BICC1: variants seen among roughly 807,000 people sequenced by gnomAD.
BICC1 encodes the protein protein bicaudal C homolog 1.
BICC1 carries 43 observed loss-of-function variants against 111.0 expected under a neutral mutation model. The observed-to-expected ratio is 0.39, with a 90% CI of 0.30 to 0.50. The LOEUF (loss-of-function observed/expected upper bound fraction) is 0.50. BICC1 is among the 20% of genes least tolerant of loss of function. BICC1 has a pLI of 0.88. For synonymous variants in BICC1, 467 were observed against 434.4 expected (o/e 1.07, Z -0.93); for missense variants, 1,091 against 1,203.2 (o/e 0.91, Z 1.38).
At chr10:58,514,971 TGAAA>T (rs1842203357) in intron 1 of BICC1, among the ~76,000 whole-genome samples, 2 of 152,214 alleles carry the variant, frequency 1.3e-5, no homozygotes, top group South Asian at 4.1e-4. Context: ...TGGAGTGATA[TGAAA>T]GAATGATCTG....
intron 2 of BICC1, among the ~76,000 whole-genome samples, chr10:58,679,868 G>A (rs192097604): frequency 5.9e-5 from 9 of 152,180 alleles, no homozygotes; most frequent in East Asian, 1.9e-4. Context: ...CCTGGGATGC[G>A]CAAGGCAGGT....
At chr10:58,532,960 G>A (rs181953940) in intron 1 of BICC1, among the ~76,000 whole-genome samples, 21 of 151,940 alleles carry the variant, frequency 1.4e-4, no homozygotes, top group African/African-American at 5.1e-4. Context: ...ACATGGTGAA[G>A]AGCAAAAGTC....
intron 2 of BICC1, among the ~76,000 whole-genome samples, chr10:58,660,389 C>G (rs2132286030): frequency 6.6e-6 from 1 of 151,218 alleles, no homozygotes; most frequent in African/African-American, 2.4e-5. Context: ...CACCTCTCCT[C>G]AGGAATAATG....
chr10:58,821,224 A>G (rs745533054), intron 20 of BICC1, among the ~76,000 whole-genome samples: 10 of 152,106 alleles, frequency 6.6e-5, no homozygotes, highest in Non-Finnish European at 1.5e-4. Context: ...TAGTTTTTGA[A>G]GACTTGCCAA....
rs138750690 is a variant in BICC1, at chr10:58,715,302, C to T, written c.307+13159C>T. ...TACTCTTAAGCAAAATAAATTCTGC[C>T]TGAAATAAAAATAAAATGAGAACAC... On this transcript the variant is annotated intron_variant, in intron 3 of 20. Transcript: ENST00000373886. Among the ~76,000 whole-genome samples, 352 of 152,066 alleles carry T rather than the reference C, an allele frequency of 2.3e-3. 1 individual carries two copies. Among genetic ancestry groups the T allele is most frequent in the African/African-American group, 7.9e-3 (329 of 41,496 alleles).
intron 1 of BICC1, among the ~76,000 whole-genome samples, chr10:58,596,505 C>T (rs1844818013): frequency 6.6e-6 from 1 of 152,130 alleles, no homozygotes; most frequent in Non-Finnish European, 1.5e-5. Context: ...CAGCACAAGA[C>T]AAGGATGCCC....
intron 15 of BICC1, 28 bp from the exon 16 acceptor site, chr10:58,806,556 A>C (rs755743336): frequency 6.2e-7 from 1 of 1,606,838 alleles, no homozygotes; most frequent in African/African-American, 1.3e-5. Flanking sequence ...GAGACTGTCA[A>C]TAAAGGTATT....
intron 1 of BICC1, among the ~76,000 whole-genome samples, chr10:58,554,753 T>G (rs1782153140): frequency 6.6e-6 from 1 of 151,908 alleles, no homozygotes; most frequent in African/African-American, 2.4e-5. Context: ...CAATGTTGGT[T>G]TAATATCCTG....
At chr10:58,701,076 A>G (rs1840219742) in intron 2 of BICC1, among the ~76,000 whole-genome samples, 1 of 152,174 alleles carries the variant, frequency 6.6e-6, no homozygotes, top group African/African-American at 2.4e-5. Context: ...CGTAGCCAGT[A>G]CTGAGGAGAA....
At chr10:58,691,144 G>A (rs1055765844) in intron 2 of BICC1, among the ~76,000 whole-genome samples, 6 of 151,948 alleles carry the variant, frequency 3.9e-5, no homozygotes, top group African/African-American at 1.5e-4. Flanking sequence ...TTTTTCCTGA[G>A]AAAAACACTT....
At chr10:58,792,679 A>C (rs184027345) in intron 8 of BICC1, among the ~76,000 whole-genome samples, 2 of 152,004 alleles carry the variant, frequency 1.3e-5, no homozygotes, top group Non-Finnish European at 2.9e-5. Context: ...GTCTCCCATC[A>C]CCTCCAGATG....
chr10:58,788,465 A>G, intron 6 of BICC1, 42 bp downstream of exon 6: 2 of 1,342,410 alleles, frequency 1.5e-6, no homozygotes, highest in Non-Finnish European at 2.1e-6. Context: ...GATGTCAGCA[A>G]CATTTGCATT....
intron 3 of BICC1, among the ~76,000 whole-genome samples, chr10:58,725,368 A>G (rs1195682834): frequency 6.6e-6 from 1 of 152,128 alleles, no homozygotes; most frequent in South Asian, 2.1e-4. Context: ...GCCCAGATGT[A>G]ATTCAGCAAA....
chr10:58,648,643 C>T, intron 2 of BICC1: 1 of 985,168 alleles, frequency 1.0e-6, no homozygotes, highest in Non-Finnish European at 1.2e-6. Flanking sequence ...CAGAGGATCT[C>T]ATATCTTTAG....
intron 3 of BICC1, among the ~76,000 whole-genome samples, chr10:58,719,428 T>TCA (rs1279500142): frequency 6.6e-6 from 1 of 152,130 alleles, no homozygotes; most frequent in African/African-American, 2.4e-5. Flanking sequence ...CTGGAAAGCT[T>TCA]CACACACACC....
At chr10:58,637,807 A>G (rs555906313) in intron 2 of BICC1, among the ~76,000 whole-genome samples, 2 of 152,312 alleles carry the variant, frequency 1.3e-5, no homozygotes, top group East Asian at 3.9e-4. Flanking sequence ...GAGGATCAGT[A>G]TAGGTACCAG....
intron 1 of BICC1, among the ~76,000 whole-genome samples, chr10:58,609,804 A>C (rs1845356819): frequency 6.6e-6 from 1 of 152,212 alleles, no homozygotes; most frequent in African/African-American, 2.4e-5. Context: ...GGTATTCCTA[A>C]TTCCATTAAA....
intron 2 of BICC1, among the ~76,000 whole-genome samples, chr10:58,628,462 C>A (rs1213489498): frequency 6.6e-6 from 1 of 151,964 alleles, no homozygotes; most frequent in Non-Finnish European, 1.5e-5. Flanking sequence ...ATCCATTTGC[C>A]CTTGTTTTGA....
intron 3 of BICC1, among the ~76,000 whole-genome samples, chr10:58,712,157 A>G (rs1048640487): frequency 6.6e-6 from 1 of 152,184 alleles, no homozygotes; most frequent in African/African-American, 2.4e-5. Context: ...AGATATCACT[A>G]CCTACCTGTT....
Sources: allele counts gnomAD v4.1 joint callset (sites outside exome capture counted in the v4.1 genomes callset), GRCh38; gene constraint gnomAD v4.1.1; transcripts MANE v1.5; gene names NCBI Gene and HGNC (gene_info 2026-07-23, HGNC 2026-07-21).